The following LITAF variants were observed in gnomAD, a reference collection of about 807,000 sequenced individuals.
LITAF encodes lipopolysaccharide induced TNF factor.
In LITAF, 9 loss-of-function variants were observed where a neutral mutation model predicts 14.5. The ratio of observed to expected loss-of-function variants is 0.62; its 90% CI spans 0.37 to 1.08. The LOEUF (loss-of-function observed/expected upper bound fraction) is 1.08, where lower values mean the gene tolerates loss of function less well. Ranked by LOEUF, LITAF falls within the 50% of genes least tolerant of loss-of-function variation. The probability of loss-of-function intolerance (pLI) is 0.01; values close to 1 mark genes in which losing one functional copy is unlikely to be tolerated. For missense variants in LITAF, 206 were observed against 213.4 expected, an observed-to-expected ratio of 0.97 and a Z score of 0.22; for synonymous variants, 98 against 88.2, an observed-to-expected ratio of 1.11 and a Z score of -0.62.
At chr16:11,570,455 T>A (rs2064525000) in intron 1 of LITAF, among the ~76,000 whole-genome samples, 1 of 152,134 alleles carries the variant, frequency 6.6e-6, no homozygotes, top group Non-Finnish European at 1.5e-5. Context: ...GCTTCACAGG[T>A]AGACATTCAC....
chr16:11,615,747 T>C (rs1339023422), intron 3 of LITAF, among the ~76,000 whole-genome samples: 1 of 152,184 alleles, frequency 6.6e-6, no homozygotes, highest in African/African-American at 2.4e-5. Flanking sequence ...AAGTATCTGC[T>C]TGGTCTTTGT....
chr16:11,576,897 T>C (rs946890036), intron 1 of LITAF, among the ~76,000 whole-genome samples: 1 of 152,210 alleles, frequency 6.6e-6, no homozygotes, highest in African/African-American at 2.4e-5. Flanking sequence ...TGACTGCAGG[T>C]AGTCCAACTG....
Position 11,558,001 on chromosome 16 carries a change from G to A in LITAF, c.-5-1266C>T, listed in dbSNP as rs1324812805. Among the ~76,000 whole-genome samples, 1 of 152,158 alleles carries A rather than the reference G, an allele frequency of 6.6e-6. No homozygotes were observed. The highest frequency in any genetic ancestry group is 1.9e-4 in the East Asian group (1 of 5,188). On this transcript the variant is annotated intron_variant, in intron 1 of 3. Transcript: ENST00000622633. This position sits in a 1 kb window ranked among gnomAD's most constrained non-coding sequence, Gnocchi z 4.1. ...ACACAGTGCTGTTCTTTGTGTGGCT[G>A]TTTTTCTAACTGGGCAGGGTTCAGG...
chr16:11,579,420 C>T (rs921307953), intron 1 of LITAF, among the ~76,000 whole-genome samples: 1 of 150,912 alleles, frequency 6.6e-6, no homozygotes, highest in Non-Finnish European at 1.5e-5. Context: ...CACTGCAGTC[C>T]GCAGTCCGGC....
In LITAF at chr16:11,553,875, C is replaced by T. The variant is rs148685800; in HGVS notation, c.221-186G>A. The T allele has an allele frequency of 3.4e-5, 21 of 622,618 alleles. No individual in the cohort carries two copies. The highest frequency in any genetic ancestry group is 2.5e-4 in the African/African-American group (14 of 54,922). 38.6% of individuals were successfully genotyped at this position (622,618 alleles called of 1,614,324 possible). A position where few individuals can be genotyped will look rare whatever the true frequency, so the allele number is the denominator to read the frequency against. ...AAGGGGAAGGAACACCAGTGTCCAT[C>T]GACGGACCAATAAACTAACACAGCG... On this transcript the variant is annotated intron_variant, in intron 2 of 3. Transcript: ENST00000622633. This position sits in a 1 kb window ranked among gnomAD's most constrained non-coding sequence, Gnocchi z 7.7.
chr16:11,623,126 G>T (rs192499954), intron 3 of LITAF, among the ~76,000 whole-genome samples: 1 of 151,424 alleles, frequency 6.6e-6, no homozygotes, highest in Non-Finnish European at 1.5e-5. Flanking sequence ...ACCACGCCCG[G>T]CTAATTTTTG....
Position 11,634,561 on chromosome 16 carries a change from G to A in LITAF, c.-20-924C>T, listed in dbSNP as rs1234372763. ...GAATCTAAGATCGGCCTTTTGAAAC[G>A]TCTTCTCAGGTTTTTGCATTTCTGA... On this transcript the variant is annotated intron_variant, in intron 2 of 3. Transcript: ENST00000574848. The surrounding 1 kb of genome is among the most constrained non-coding windows in gnomAD (Gnocchi z 4.1). Among the ~76,000 whole-genome samples, 4 of 152,114 alleles carry A rather than the reference G, an allele frequency of 2.6e-5. No individual in the cohort carries two copies. Among genetic ancestry groups the A allele is most frequent in the South Asian group, 2.1e-4 (1 of 4,830 alleles).
In LITAF at chr16:11,548,837, G is replaced by C. The variant is rs1159621428; in HGVS notation, c.*800C>G. 2.2e-6 allele frequency: 1 copy of C among 453,210 alleles called. No individual in the cohort carries two copies. Among genetic ancestry groups the C allele is most frequent in the Non-Finnish European group, 4.4e-6 (1 of 226,674 alleles). 28.1% of individuals were successfully genotyped at this position (453,210 alleles called of 1,614,324 possible). ...TTTTTTTTTAAAAAAAAGAAATTCT[G>C]TTCAAAAGTATTTCAGACCAAAAGG... On this transcript the variant is annotated 3_prime_UTR_variant, in exon 4 of 4. Transcript: ENST00000622633.
At chr16:11,583,115 C>T (rs1276656822) in intron 1 of LITAF, among the ~76,000 whole-genome samples, 1 of 152,138 alleles carries the variant, frequency 6.6e-6, no homozygotes, top group African/African-American at 2.4e-5. Flanking sequence ...CAAACAAATT[C>T]CAGTTTCAGT....
At chr16:11,638,650 G>A (rs1439535032), upstream of LITAF, among the ~76,000 whole-genome samples, 1 of 136,200 alleles carries the variant, frequency 7.3e-6, no homozygotes, top group African/African-American at 2.7e-5. Context: ...GCAGTGAGCT[G>A]AGATCACGCC....
chr16:11,600,484 G>C (rs761661547), upstream of LITAF, among the ~76,000 whole-genome samples: 13 of 152,214 alleles, frequency 8.5e-5, no homozygotes, highest in Admixed American at 1.3e-4. This position sits in a 1 kb window ranked among gnomAD's most constrained non-coding sequence, Gnocchi z 4.1. Context: ...CTCCAAGTGG[G>C]AGACAGTTTA....
chr16:11,556,717 C>T lies in LITAF; in HGVS notation c.14G>A (p.Gly5Glu). The part of the protein sequence containing the change: MSVP[G>E]PYQAATGPSS... ...AGGCCCAGTGGCCGCCTGGTAAGGT[C>T]CTGGAACCGACATTTTACCTAAAAC... Residue 5 changes from glycine to glutamate, a missense_variant, in exon 2 of 4, where the codon GGA becomes GAA. Physicochemically the swap from Gly to Glu is moderately conservative, Grantham distance 98. Coordinates refer to ENST00000622633, the MANE Select transcript of LITAF (RefSeq NM_001136472.2). 6.2e-7 allele frequency: 1 copy of T among 1,614,062 alleles called. No individual in the cohort carries two copies. The highest frequency in any genetic ancestry group is 8.5e-7 in the Non-Finnish European group (1 of 1,179,996).
rs114062774 is a variant in LITAF, at chr16:11,597,299, A to C, written c.-6+1089T>G. 8.2e-3 allele frequency among the ~76,000 whole-genome samples: 1,251 copies of C among 152,168 alleles called. 15 individuals are homozygous for C. Among genetic ancestry groups the C allele is most frequent in the African/African-American group, 0.029 (1,205 of 41,488 alleles). On this transcript the variant is annotated intron_variant, in intron 1 of 3. Transcript: ENST00000571627. The stretch of plus-strand genomic sequence containing the variant: ...TCCAGGAAACACACGTCTTCATAAC[A>C]CAGAAGAATTTCATTCTTTGAGCTC...
intron 1 of LITAF, among the ~76,000 whole-genome samples, chr16:11,568,771 C>T (rs1354251348): frequency 6.6e-6 from 1 of 151,464 alleles, no homozygotes; most frequent in Non-Finnish European, 1.5e-5. Flanking sequence ...CCTCCACCTC[C>T]CGGGTTCAAG....
At chr16:11,623,310 A>G (rs2065062687) in intron 3 of LITAF, among the ~76,000 whole-genome samples, 1 of 151,852 alleles carries the variant, frequency 6.6e-6, no homozygotes, top group South Asian at 2.1e-4. Context: ...ATATAGTTGG[A>G]AAGTCTGTGG....
intron 2 of LITAF, chr16:11,556,191 C>T: frequency 2.1e-6 from 1 of 484,100 alleles, no homozygotes; most frequent in East Asian, 3.1e-5. Context: ...CATCAGACCT[C>T]AGGAGGAAGT....
chr16:11,578,987 G>A (rs192281631), intron 1 of LITAF, among the ~76,000 whole-genome samples: 124 of 152,228 alleles, frequency 8.1e-4, no homozygotes, highest in African/African-American at 2.9e-3. Context: ...TCGGGAGTTC[G>A]AGACCAGCCT....
chr16:11,629,461 A>T (rs1045783851), intron 3 of LITAF, among the ~76,000 whole-genome samples: 1 of 151,542 alleles, frequency 6.6e-6, no homozygotes, highest in Non-Finnish European at 1.5e-5. Flanking sequence ...GAGTTTTCTG[A>T]GTCAGTCCCA....
chr16:11,577,387 G>A (rs973367257), intron 1 of LITAF, among the ~76,000 whole-genome samples: 4 of 141,482 alleles, frequency 2.8e-5, no homozygotes, highest in Admixed American at 7.8e-5. Context: ...GCACAATCTC[G>A]GCTCACTGCA....
Sources: allele counts gnomAD v4.1 joint callset (sites outside exome capture counted in the v4.1 genomes callset), GRCh38; gene constraint gnomAD v4.1.1; non-coding constraint Gnocchi (gnomAD v3.1); transcripts MANE v1.5; gene names NCBI Gene and HGNC (gene_info 2026-07-23, HGNC 2026-07-21).